PPARG: variants seen among roughly 807,000 people sequenced by gnomAD.
PPARG encodes peroxisome proliferator activated receptor gamma.
PPARG carries 17 observed loss-of-function variants against 39.2 expected under a neutral mutation model. The ratio of observed to expected loss-of-function variants is 0.43; its 90% CI spans 0.30 to 0.65. PPARG has a LOEUF of 0.65. PPARG is among the 30% of genes least tolerant of loss of function. The pLI is 0.13. For missense variants in PPARG, 406 were observed against 585.9 expected (o/e 0.69, Z 3.17); for synonymous variants, 223 against 215.7 (o/e 1.03, Z -0.30).
chr3:12,291,773 C>T (rs114468805), intron 1 of PPARG, among the ~76,000 whole-genome samples: 7 of 152,146 alleles, frequency 4.6e-5, no homozygotes, highest in Non-Finnish European at 8.8e-5. Context: ...ATTTTAATGC[C>T]GAGAATTTCA....
intron 2 of PPARG, among the ~76,000 whole-genome samples, chr3:12,335,797 T>G (rs1223228958): frequency 6.6e-6 from 1 of 151,602 alleles, no homozygotes; most frequent in Non-Finnish European, 1.5e-5. Context: ...GATTCCTACA[T>G]CAATGAGCTA....
chr3:12,416,621 A>G lies in PPARG; in HGVS notation c.730-83A>G. 6 of 1,340,760 alleles carry G rather than the reference A, an allele frequency of 4.5e-6. No individual in the cohort carries two copies. In the South Asian group the frequency reaches 7.5e-5, roughly 17 times the overall value. 83.1% of individuals were successfully genotyped at this position (1,340,760 alleles called of 1,614,324 possible). On this transcript the variant is annotated intron_variant, in intron 6 of 7. Coordinates refer to ENST00000651735, the MANE Select transcript of PPARG (RefSeq NM_138711.6). ...TTTAGTTAGCAAAGCAAGTTTACAT[A>G]AACAGTTTTCTGAACCTGGGATGGC...
At chr3:12,332,956 G>T (rs145925010) in intron 2 of PPARG, among the ~76,000 whole-genome samples, 1 of 152,090 alleles carries the variant, frequency 6.6e-6, no homozygotes, top group Non-Finnish European at 1.5e-5. Context: ...GCTTGAGCCC[G>T]GGAGGTCCAG....
At chr3:12,379,338 A>G (rs1001365936) in intron 2 of PPARG, among the ~76,000 whole-genome samples, 5 of 152,150 alleles carry the variant, frequency 3.3e-5, no homozygotes, top group African/African-American at 1.2e-4. Flanking sequence ...TTTGTCTATT[A>G]TACTCAATAA....
At chr3:12,416,387 C>G (rs2051056220) in intron 6 of PPARG, among the ~76,000 whole-genome samples, 1 of 150,944 alleles carries the variant, frequency 6.6e-6, no homozygotes. Flanking sequence ...CAAAAACAAA[C>G]AAACAAATAA....
chr3:12,350,725 A>C (rs767690401), intron 2 of PPARG, among the ~76,000 whole-genome samples: 1 of 152,204 alleles, frequency 6.6e-6, no homozygotes, highest in Non-Finnish European at 1.5e-5. Flanking sequence ...GTGGTGTGTT[A>C]TTCTTCTCAT....
chr3:12,356,960 A>T (rs534553526), intron 2 of PPARG, among the ~76,000 whole-genome samples: 2 of 152,230 alleles, frequency 1.3e-5, no homozygotes, highest in Admixed American at 6.5e-5. Context: ...GCATTCTCTG[A>T]ATTCATTGCT....
intron 1 of PPARG, among the ~76,000 whole-genome samples, chr3:12,310,142 G>A (rs2047185822): frequency 2.0e-5 from 3 of 152,128 alleles, no homozygotes; most frequent in Admixed American, 2.0e-4. Flanking sequence ...AGGACTGGTA[G>A]CAGGAGGGGG....
In PPARG at chr3:12,366,042, G is replaced by A. The variant is rs187557568; in HGVS notation, c.-8-13662G>A. Among the ~76,000 whole-genome samples, 547 of 152,132 alleles carry A rather than the reference G, an allele frequency of 3.6e-3. 2 individuals are homozygous for A. Among genetic ancestry groups the A allele is most frequent in the Non-Finnish European group, 6.5e-3 (445 of 67,992 alleles). On this transcript the variant is annotated intron_variant, in intron 2 of 7. Transcript: ENST00000651735. ...GTCTTCCTATCCATGAGCATGCAGTGTCTCTCCATTTATTTCATTCTTTGA... is the reference window on the plus strand; with the variant it reads ...GTCTTCCTATCCATGAGCATGCAGTATCTCTCCATTTATTTCATTCTTTGA...
chr3:12,393,837 T>C (rs978587609), intron 5 of PPARG, among the ~76,000 whole-genome samples: 1 of 152,090 alleles, frequency 6.6e-6, no homozygotes, highest in Admixed American at 6.5e-5. Context: ...TATTTGAGAG[T>C]CACTCATTGA....
intron 2 of PPARG, among the ~76,000 whole-genome samples, chr3:12,358,424 A>G (rs2048734357): frequency 6.6e-6 from 1 of 152,234 alleles, no homozygotes. Flanking sequence ...AAGTTAATAC[A>G]GACATAATGT....
At chr3:12,371,470 G>A (rs2049212284) in intron 2 of PPARG, among the ~76,000 whole-genome samples, 1 of 152,118 alleles carries the variant, frequency 6.6e-6, no homozygotes, top group South Asian at 2.1e-4. Context: ...CATGACTTTT[G>A]TTAGAAACAA....
At chr3:12,433,849 G>C in intron 7 of PPARG, 49 bp from the exon 8 acceptor site, 1 of 1,612,666 alleles carries the variant, frequency 6.2e-7, no homozygotes, top group Non-Finnish European at 8.5e-7. Context: ...GGGCCCAGAG[G>C]ATTTTTTGAC....
intron 2 of PPARG, among the ~76,000 whole-genome samples, chr3:12,347,976 A>T (rs2048374749): frequency 1.3e-5 from 2 of 152,220 alleles, no homozygotes; most frequent in African/African-American, 4.8e-5. Flanking sequence ...GCAAAAGAAA[A>T]AAATACTGTA....
At chr3:12,421,831 G>A (rs140976977) in intron 7 of PPARG, among the ~76,000 whole-genome samples, 2 of 152,310 alleles carry the variant, frequency 1.3e-5, no homozygotes, top group South Asian at 2.1e-4. Context: ...CTCAAGGGCA[G>A]CTCCTTCTTT....
At chr3:12,367,938 T>G (rs2049070044) in intron 2 of PPARG, among the ~76,000 whole-genome samples, 1 of 151,752 alleles carries the variant, frequency 6.6e-6, no homozygotes, top group Non-Finnish European at 1.5e-5. Flanking sequence ...TACCCTTTGT[T>G]GATCTGAATT....
chr3:12,423,261 A>C (rs1273321681), intron 7 of PPARG, among the ~76,000 whole-genome samples: 6 of 152,228 alleles, frequency 3.9e-5, no homozygotes, highest in Non-Finnish European at 8.8e-5. Flanking sequence ...AAATTGTCGA[A>C]ATACCATCCA....
chr3:12,295,837 T>G (rs879724453), intron 1 of PPARG, among the ~76,000 whole-genome samples: 1 of 152,098 alleles, frequency 6.6e-6, no homozygotes, highest in African/African-American at 2.4e-5. Flanking sequence ...ATTTGGTGAC[T>G]TTTAGGACTA....
rs12635309 is a variant in PPARG at position 12,345,782 on chromosome 3, C to T, written c.-9+33329C>T. Among the ~76,000 whole-genome samples, 36 of 152,306 alleles carry T rather than the reference C, an allele frequency of 2.4e-4. No individual in the cohort carries two copies. In the East Asian group the frequency reaches 6.0e-3, roughly 25 times the overall value. ...CACCAGCTGAAACTGAGTGCAGCTC[C>T]GCGGCTCTACGCTTGCTGTAGAACC... On this transcript the variant is annotated intron_variant, in intron 2 of 7. Coordinates refer to ENST00000651735, the MANE Select transcript of PPARG (RefSeq NM_138711.6).
Sources: allele counts gnomAD v4.1 joint callset (sites outside exome capture counted in the v4.1 genomes callset), GRCh38; gene constraint gnomAD v4.1.1; transcripts MANE v1.5; gene names NCBI Gene and HGNC (gene_info 2026-07-23, HGNC 2026-07-21).